The following DNAH14 variants were observed in gnomAD, a reference collection of about 807,000 sequenced individuals.
The protein encoded by DNAH14 is dynein axonemal heavy chain 14.
A neutral mutation model predicts 520.9 loss-of-function variants in DNAH14; 478 were observed. That is an observed-to-expected ratio of 0.92 (90% CI 0.85 to 0.99). The LOEUF (loss-of-function observed/expected upper bound fraction) is 0.99, where lower values mean the gene tolerates loss of function less well. Among genes scored for constraint, DNAH14 ranks in the 50% least tolerant of loss-of-function variants. The pLI, the probability that DNAH14 is intolerant of heterozygous loss-of-function variation, is 0.00. For synonymous variants in DNAH14, 1,581 were observed against 1,757.2 expected, an observed-to-expected ratio of 0.90 and a Z score of 2.51; for missense variants, 4,831 against 5,234.5, an observed-to-expected ratio of 0.92 and a Z score of 2.38.
At chr1:225,144,911 TTGTG>T (rs1559094987) in intron 29 of DNAH14, among the ~76,000 whole-genome samples, 1 of 144,308 alleles carries the variant, frequency 6.9e-6, no homozygotes, top group Admixed American at 6.9e-5. Context: ...GTGTGTGTGT[TTGTG>T]TGTGTATGTG....
intron 8 of DNAH14, among the ~76,000 whole-genome samples, chr1:224,978,706 A>G (rs2062039607): frequency 6.6e-6 from 1 of 152,172 alleles, no homozygotes; most frequent in Admixed American, 6.5e-5. Context: ...TTGTGTGATC[A>G]TAGCTCACTA....
intron 17 of DNAH14, among the ~76,000 whole-genome samples, chr1:225,073,991 G>GTTTTT (rs34546228): frequency 1.1e-4 from 6 of 55,044 alleles, no homozygotes; most frequent in Admixed American, 2.9e-4. Flanking sequence ...GTTTTAGGAA[G>GTTTTT]TTTTTTTTTT....
intron 12 of DNAH14, among the ~76,000 whole-genome samples, chr1:225,040,944 C>A (rs1045534361): frequency 6.6e-6 from 1 of 152,106 alleles, no homozygotes; most frequent in Non-Finnish European, 1.5e-5. Context: ...TTGAATTTCC[C>A]TTATTACTAG....
chr1:225,160,779 CTGTT>C (rs1430163222), intron 35 of DNAH14, among the ~76,000 whole-genome samples: 4 of 152,060 alleles, frequency 2.6e-5, no homozygotes, highest in Non-Finnish European at 5.9e-5. Flanking sequence ...ATTGCATTGT[CTGTT>C]TATCTGATAT....
chr1:225,165,203 G>T (rs1351383231), intron 35 of DNAH14, among the ~76,000 whole-genome samples: 3 of 151,488 alleles, frequency 2.0e-5, no homozygotes, highest in Admixed American at 6.6e-5. Context: ...GTTGCTCCAG[G>T]GTCACTCTGA....
At chr1:225,225,064 G>T (rs2090413053) in intron 41 of DNAH14, among the ~76,000 whole-genome samples, 1 of 152,114 alleles carries the variant, frequency 6.6e-6, no homozygotes, top group Non-Finnish European at 1.5e-5. Context: ...CGACATCACT[G>T]CTTGACCAAA....
intron 36 of DNAH14, among the ~76,000 whole-genome samples, chr1:225,179,543 A>G (rs992470626): frequency 6.6e-6 from 1 of 152,182 alleles, no homozygotes; most frequent in Non-Finnish European, 1.5e-5. Context: ...GGATATCTCT[A>G]TTTACATCTT....
intron 11 of DNAH14, among the ~76,000 whole-genome samples, chr1:225,028,972 A>AT (rs1334686885): frequency 1.3e-5 from 2 of 151,972 alleles, no homozygotes; most frequent in African/African-American, 4.8e-5. Context: ...AGCAGAAAAC[A>AT]TTTTTCTATG....
At chr1:225,217,396 C>T (rs1315807015) in intron 41 of DNAH14, among the ~76,000 whole-genome samples, 1 of 152,176 alleles carries the variant, frequency 6.6e-6, no homozygotes, top group Non-Finnish European at 1.5e-5. Flanking sequence ...ATCTCAAACT[C>T]CATGCTGGGA....
intron 71 of DNAH14, among the ~76,000 whole-genome samples, chr1:225,347,476 G>T (rs959611224): frequency 6.6e-6 from 1 of 152,168 alleles, no homozygotes; most frequent in Non-Finnish European, 1.5e-5. Flanking sequence ...CCCTCGGATA[G>T]AAACAAAAGA....
chr1:225,049,879 CTGATTTTTATA>C (rs2068374597), intron 15 of DNAH14, among the ~76,000 whole-genome samples: 1 of 151,958 alleles, frequency 6.6e-6, no homozygotes, highest in Non-Finnish European at 1.5e-5. Flanking sequence ...GCTGTGTCTC[CTGATTTTTATA>C]TCCTTGTAAT....
chr1:224,940,820 C>T (rs2059373080), intron 1 of DNAH14, among the ~76,000 whole-genome samples: 1 of 152,174 alleles, frequency 6.6e-6, no homozygotes, highest in Non-Finnish European at 1.5e-5. Flanking sequence ...TTTCCACCTT[C>T]ATCTATGTCC....
intron 83 of DNAH14, among the ~76,000 whole-genome samples, chr1:225,392,050 G>A (rs1018555733): frequency 6.6e-6 from 1 of 152,050 alleles, no homozygotes; most frequent in East Asian, 1.9e-4. Context: ...ATACAGGAGG[G>A]GTGCTGGCCT....
chr1:225,388,605 A>G, intron 82 of DNAH14, 114 bp downstream of exon 82: 1 of 598,384 alleles, frequency 1.7e-6, no homozygotes, highest in South Asian at 2.9e-5. Flanking sequence ...TGTGTGAATT[A>G]AGCAAGGGAG....
chr1:225,248,906 T>A (rs886748848), intron 43 of DNAH14, among the ~76,000 whole-genome samples: 5 of 152,212 alleles, frequency 3.3e-5, no homozygotes, highest in African/African-American at 1.2e-4. Flanking sequence ...TGGGGGCTTA[T>A]AGAGGAAAGG....
At chr1:225,345,507 A>G (rs2095272782) in intron 69 of DNAH14, among the ~76,000 whole-genome samples, 1 of 152,252 alleles carries the variant, frequency 6.6e-6, no homozygotes, top group East Asian at 1.9e-4. Context: ...GGGTTGAGAA[A>G]TAAATGTCAT....
At chr1:225,377,563 C>G (rs565211421) in intron 79 of DNAH14, 127 bp downstream of exon 79, 1 of 854,670 alleles carries the variant, frequency 1.2e-6, no homozygotes, top group Non-Finnish European at 1.8e-6. Flanking sequence ...AGTTCGAGAC[C>G]ACTCTGAGCA....
chr1:225,321,341 GTGATGAAATAACCTGTA>G (rs886758294), intron 61 of DNAH14, among the ~76,000 whole-genome samples: 9 of 152,120 alleles, frequency 5.9e-5, no homozygotes, highest in African/African-American at 2.2e-4. Flanking sequence ...TAGTACCTGG[GTGATGAAATAACCTGTA>G]CAACAAACTC....
chr1:225,344,713 T>TTATTTATG (rs2095260293), intron 69 of DNAH14, among the ~76,000 whole-genome samples: 2 of 151,318 alleles, frequency 1.3e-5, no homozygotes, highest in East Asian at 3.9e-4. Context: ...ATTTATTTAT[T>TTATTTATG]TATTTATTTA....
Sources: gnomAD v4.1 joint callset for allele counts (sites outside exome capture counted in the v4.1 genomes callset) on GRCh38, gnomAD v4.1.1 for gene constraint, MANE v1.5 for transcripts, NCBI Gene and HGNC (gene_info 2026-07-23, HGNC 2026-07-21) for gene names.